The following TAFA1 variants were observed in gnomAD, a reference collection of about 807,000 sequenced individuals.
TAFA1 encodes the protein TAFA chemokine like family member 1.
In TAFA1, 4 loss-of-function variants were observed where a neutral mutation model predicts 18.5. That is an observed-to-expected ratio of 0.22 (90% CI 0.11 to 0.49). The LOEUF is 0.49. Ranked by LOEUF, TAFA1 falls within the 20% of genes least tolerant of loss-of-function variation. TAFA1 has a pLI of 0.98. For synonymous variants in TAFA1, 56 were observed against 55.2 expected (o/e 1.01, Z -0.06); for missense variants, 147 against 169.0 (o/e 0.87, Z 0.72).
At chr3:68,062,750 G>T (rs2064620494) in intron 2 of TAFA1, among the ~76,000 whole-genome samples, 1 of 152,162 alleles carries the variant, frequency 6.6e-6, no homozygotes, top group South Asian at 2.1e-4. Context: ...ATTATGAGTT[G>T]AAATTTGGAT....
At chr3:68,236,653 C>T (rs2066931096) in intron 2 of TAFA1, among the ~76,000 whole-genome samples, 2 of 152,174 alleles carry the variant, frequency 1.3e-5, no homozygotes, top group Admixed American at 1.3e-4. Context: ...CTTTCATATT[C>T]AGAGTGTGTT....
At chr3:68,145,270 C>T (rs1343457671) in intron 2 of TAFA1, 14 of 788,420 alleles carry the variant, frequency 1.8e-5, no homozygotes, top group African/African-American at 3.4e-5. Context: ...TCCCTGGGAT[C>T]TATACAACCA....
Position 68,261,858 on chromosome 3 carries a change from T to G in TAFA1, c.119-155422T>G, listed in dbSNP as rs543613988. 5.5e-4 allele frequency among the ~76,000 whole-genome samples: 83 copies of G among 151,964 alleles called. 1 individual carries two copies. Among genetic ancestry groups the G allele is most frequent in the African/African-American group, 1.8e-3 (75 of 41,410 alleles). On this transcript the variant is annotated intron_variant, in intron 2 of 4. Transcript: ENST00000478136. Reference sequence around the variant, plus strand: ...GTGCAGCACACCAACATGGCACACGTATACATATGTAACAAACCTGCAGGT... The same window carrying G: ...GTGCAGCACACCAACATGGCACACGGATACATATGTAACAAACCTGCAGGT...
intron 3 of TAFA1, among the ~76,000 whole-genome samples, chr3:68,470,576 T>C (rs1429857931): frequency 6.6e-6 from 1 of 152,208 alleles, no homozygotes; most frequent in Non-Finnish European, 1.5e-5. Flanking sequence ...CAAAGGTGGC[T>C]CTTGCTATGT....
intron 3 of TAFA1, among the ~76,000 whole-genome samples, chr3:68,464,463 A>G (rs2071844846): frequency 6.6e-6 from 1 of 152,078 alleles, no homozygotes; most frequent in African/African-American, 2.4e-5. Context: ...TTTTGTGGGG[A>G]GCGATGACAG....
intron 2 of TAFA1, among the ~76,000 whole-genome samples, chr3:68,199,893 G>A (rs1310448384): frequency 6.6e-6 from 1 of 151,480 alleles, no homozygotes; most frequent in Non-Finnish European, 1.5e-5. Context: ...AAGGAGTGGT[G>A]AGAGGCGACA....
At chr3:68,477,710 T>C (rs1440758416) in intron 3 of TAFA1, among the ~76,000 whole-genome samples, 2 of 152,184 alleles carry the variant, frequency 1.3e-5, no homozygotes, top group East Asian at 1.9e-4. Context: ...GGCAAACATA[T>C]ATAAATATTT....
intron 2 of TAFA1, among the ~76,000 whole-genome samples, chr3:68,370,470 GTGTATATATATATATATATA>G (rs1235900459): frequency 0.057 from 1,781 of 31,142 alleles, 78 homozygotes; most frequent in Non-Finnish European, 0.084. Flanking sequence ...GTGTGTGTGT[GTGTATATATATATATATATA>G]TATATATATA....
At chr3:68,298,875 G>A (rs1454462885) in intron 2 of TAFA1, among the ~76,000 whole-genome samples, 1 of 152,156 alleles carries the variant, frequency 6.6e-6, no homozygotes, top group Admixed American at 6.5e-5. Flanking sequence ...TGTGACAATG[G>A]TCTAATACAG....
At chr3:68,493,359 T>C (rs1271473883) in intron 3 of TAFA1, among the ~76,000 whole-genome samples, 2 of 152,226 alleles carry the variant, frequency 1.3e-5, no homozygotes, top group Non-Finnish European at 2.9e-5. Flanking sequence ...ATTGTATATA[T>C]ACACTACATT....
At chr3:68,139,133 G>C (rs1238974124) in intron 2 of TAFA1, among the ~76,000 whole-genome samples, 1 of 152,102 alleles carries the variant, frequency 6.6e-6, no homozygotes, top group Non-Finnish European at 1.5e-5. Context: ...AATTCCATTA[G>C]GAAATGAATT....
chr3:68,383,524 G>T (rs955755044), intron 2 of TAFA1, among the ~76,000 whole-genome samples: 4 of 152,024 alleles, frequency 2.6e-5, no homozygotes, highest in Non-Finnish European at 4.4e-5. Flanking sequence ...CATTCCAGGG[G>T]TGAAGCCTAC....
chr3:68,351,252 G>A (rs943820997), intron 2 of TAFA1, among the ~76,000 whole-genome samples: 1 of 152,100 alleles, frequency 6.6e-6, no homozygotes, highest in African/African-American at 2.4e-5. Context: ...AACCTGGGTT[G>A]CTTGTTGAAA....
At chr3:68,164,338 T>C (rs12630081) in intron 2 of TAFA1, among the ~76,000 whole-genome samples, 1 of 152,210 alleles carries the variant, frequency 6.6e-6, no homozygotes, top group Non-Finnish European at 1.5e-5. Context: ...CACACTCAAG[T>C]AGAATTCTGA....
chr3:68,469,811 C>A (rs543290573), intron 3 of TAFA1, among the ~76,000 whole-genome samples: 1 of 152,290 alleles, frequency 6.6e-6, no homozygotes, highest in East Asian at 1.9e-4. Context: ...AATTACACAA[C>A]CTTGTACCAG....
intron 2 of TAFA1, among the ~76,000 whole-genome samples, chr3:68,261,551 G>A (rs1206916680): frequency 1.3e-5 from 2 of 152,128 alleles, no homozygotes; most frequent in Admixed American, 6.5e-5. Context: ...TTAAGAAAAT[G>A]TGGCACATAT....
chr3:68,230,024 G>A lies in TAFA1; in HGVS notation c.119-187256G>A, dbSNP rs1323017076. On this transcript the variant is annotated intron_variant, in intron 2 of 4. Coordinates refer to ENST00000478136, the MANE Select transcript of TAFA1 (RefSeq NM_213609.4). ...GTTGTACATGTACATGGGGTACATG[G>A]GATATTTTAGCACAAGCATGCAGTA... 2.0e-5 allele frequency among the ~76,000 whole-genome samples: 3 copies of A among 151,982 alleles called. No individual in the cohort carries two copies. In the East Asian group the frequency reaches 5.8e-4, roughly 29 times the overall value.
At chr3:68,520,288 T>C (rs574915327) in intron 3 of TAFA1, among the ~76,000 whole-genome samples, 5 of 152,304 alleles carry the variant, frequency 3.3e-5, no homozygotes, top group East Asian at 1.9e-4. Context: ...TAGAGATAGA[T>C]TTCAGCCTGC....
At chr3:68,011,661 T>A (rs1704474060) in intron 2 of TAFA1, among the ~76,000 whole-genome samples, 1 of 152,170 alleles carries the variant, frequency 6.6e-6, no homozygotes, top group Admixed American at 6.5e-5. Context: ...ACAACTATGG[T>A]CGCATATTGG....
Sources: gnomAD v4.1 joint callset for allele counts (sites outside exome capture counted in the v4.1 genomes callset) on GRCh38, gnomAD v4.1.1 for gene constraint, MANE v1.5 for transcripts, NCBI Gene and HGNC (gene_info 2026-07-23, HGNC 2026-07-21) for gene names.